GABRB3: variants seen among roughly 807,000 people sequenced by gnomAD.
GABRB3 encodes gamma-aminobutyric acid type A receptor subunit beta3.
Under a neutral mutation model 52.1 loss-of-function variants are expected in GABRB3, and 14 were observed. The ratio of observed to expected loss-of-function variants is 0.27; its 90% confidence interval spans 0.18 to 0.42. The LOEUF is 0.42. Among genes scored for constraint, GABRB3 ranks in the 10% least tolerant of loss-of-function variants. The pLI is 1.00. For missense variants in GABRB3, 307 were observed against 609.1 expected (o/e 0.50, Z 5.22); for synonymous variants, 260 against 232.3 (o/e 1.12, Z -1.08).
chr15:26,667,013 G>A lies in GABRB3; in HGVS notation c.241-45479C>T, dbSNP rs558373113. ...AGCACAAGAACTGGTGCCCACCCCC[G>A]TGCACACCAATTGCAGGGGTTAGGT... On this transcript the variant is annotated intron_variant, in intron 3 of 8. Coordinates refer to ENST00000311550, the MANE Select transcript of GABRB3 (RefSeq NM_000814.6). 2.7e-4 allele frequency among the ~76,000 whole-genome samples: 38 copies of A among 139,518 alleles called. No homozygotes were observed. The South Asian group carries it at 5.5e-3, about 20-fold the overall frequency. 91.5% of individuals were successfully genotyped at this position (139,518 alleles called of 152,430 possible).
intron 3 of GABRB3, among the ~76,000 whole-genome samples, chr15:26,631,983 G>A (rs1051322752): frequency 6.6e-6 from 1 of 152,222 alleles, no homozygotes; most frequent in South Asian, 2.1e-4. Context: ...ATCTAGTGGG[G>A]AGAAAGAAAG....
At chr15:26,679,866 A>G (rs116349303) in intron 3 of GABRB3, among the ~76,000 whole-genome samples, 126 of 152,262 alleles carry the variant, frequency 8.3e-4, no homozygotes, top group African/African-American at 2.7e-3. Context: ...ATGTGGAGAG[A>G]CTGAGCCCTG....
chr15:26,549,015 C>T (rs886550294), intron 8 of GABRB3, among the ~76,000 whole-genome samples: 40 of 152,128 alleles, frequency 2.6e-4, no homozygotes, highest in African/African-American at 9.2e-4. Context: ...TCCAGCAAGC[C>T]CCACACTTCC....
intron 3 of GABRB3, among the ~76,000 whole-genome samples, chr15:26,641,569 C>T (rs1254507471): frequency 6.6e-6 from 1 of 152,230 alleles, no homozygotes; most frequent in African/African-American, 2.4e-5. Context: ...ATTTTTGCCC[C>T]TCAACTGTCC....
rs148101383 is a variant in GABRB3, at chr15:26,547,883, A to G, written c.1332T>C (p.Asp444=). 6 of 1,614,084 alleles carry G rather than the reference A, an allele frequency of 3.7e-6. No homozygotes were observed. The highest frequency in any genetic ancestry group is 2.7e-5 in the African/African-American group (2 of 74,926). Residue 444 remains aspartate, a synonymous_variant, in exon 9 of 9, where the codon GAT becomes GAC. Coordinates refer to ENST00000311550, the MANE Select transcript of GABRB3 (RefSeq NM_000814.6). ...QLKIKIPDLT[D]VNAIDRWSRI... is the part of the protein sequence containing the mutation. ...TGGACCATCTGTCTATGGCATTCAC[A>G]TCGGTTAGATCAGGTATTTTAATTT...
chr15:26,688,505 A>G (rs988078747), intron 3 of GABRB3, among the ~76,000 whole-genome samples: 1 of 152,206 alleles, frequency 6.6e-6, no homozygotes, highest in African/African-American at 2.4e-5. Context: ...GTGGGGCATA[A>G]AGAATTCAGA....
chr15:26,623,923 C>T (rs1638601826), intron 3 of GABRB3, among the ~76,000 whole-genome samples: 1 of 152,230 alleles, frequency 6.6e-6, no homozygotes, highest in African/African-American at 2.4e-5. Flanking sequence ...AAGGAACACA[C>T]TCTCCTCTCA....
chr15:26,562,442 A>C (rs1392667970), intron 7 of GABRB3, among the ~76,000 whole-genome samples: 1 of 152,182 alleles, frequency 6.6e-6, no homozygotes. Flanking sequence ...AGAGAGCTTA[A>C]CCATAATCCT....
intron 3 of GABRB3, among the ~76,000 whole-genome samples, chr15:26,675,068 G>A (rs1010707689): frequency 2.0e-5 from 3 of 152,094 alleles, no homozygotes; most frequent in Non-Finnish European, 4.4e-5. Context: ...AATTACTTGT[G>A]GTTTCAAAAG....
chr15:26,575,149 T>C (rs946028992), intron 6 of GABRB3, among the ~76,000 whole-genome samples: 14 of 152,326 alleles, frequency 9.2e-5, no homozygotes, highest in African/African-American at 3.1e-4. Flanking sequence ...AGGATGAAGG[T>C]AGTTAAAAAC....
At chr15:26,676,157 C>T (rs902134711) in intron 3 of GABRB3, among the ~76,000 whole-genome samples, 2 of 152,202 alleles carry the variant, frequency 1.3e-5, no homozygotes, top group Admixed American at 1.3e-4. Flanking sequence ...TTTCAAAGTT[C>T]CTGAGTTGTT....
chr15:26,700,145 G>T (rs1888881142), intron 3 of GABRB3, among the ~76,000 whole-genome samples: 1 of 151,924 alleles, frequency 6.6e-6, no homozygotes, highest in Admixed American at 6.6e-5. Flanking sequence ...TACTAACATT[G>T]GGAATAAAAG....
intron 3 of GABRB3, among the ~76,000 whole-genome samples, chr15:26,632,668 T>A (rs1892943193): frequency 6.6e-6 from 1 of 152,114 alleles, no homozygotes; most frequent in Admixed American, 6.5e-5. Flanking sequence ...CAGGTGCTTG[T>A]TTGCCGTCGG....
At chr15:26,638,202 A>G (rs1412331731) in intron 3 of GABRB3, among the ~76,000 whole-genome samples, 1 of 152,098 alleles carries the variant, frequency 6.6e-6, no homozygotes. Context: ...TGGTCAGAGC[A>G]AGGTCACACA....
chr15:26,665,107 T>C (rs1181949573), intron 3 of GABRB3, among the ~76,000 whole-genome samples: 1 of 152,224 alleles, frequency 6.6e-6, no homozygotes, highest in Non-Finnish European at 1.5e-5. Context: ...CATTTTAAAA[T>C]TAAAGTATTT....
At chr15:26,592,411 TAGA>T (rs1241473246) in intron 4 of GABRB3, among the ~76,000 whole-genome samples, 3 of 152,138 alleles carry the variant, frequency 2.0e-5, no homozygotes, top group Non-Finnish European at 2.9e-5. Context: ...ACATTCTGAA[TAGA>T]AGAAGAGATG....
chr15:26,693,630 A>AAAAC (rs1888650897), intron 3 of GABRB3, among the ~76,000 whole-genome samples: 1 of 152,218 alleles, frequency 6.6e-6, no homozygotes, highest in African/African-American at 2.4e-5. Context: ...CAAACAAAAC[A>AAAAC]AAACAACTCT....
In GABRB3 at chr15:26,660,649, C is replaced by T. The variant is rs867043962; in HGVS notation, c.241-39115G>A. On this transcript the variant is annotated intron_variant, in intron 3 of 8. Coordinates refer to ENST00000311550, the MANE Select transcript of GABRB3 (RefSeq NM_000814.6). Reference sequence around the variant, plus strand: ...TATTTTGGGGAAAGCACCCAGGATACGGACAACTTGGGTTGTAGATCTGGT... The same window carrying T: ...TATTTTGGGGAAAGCACCCAGGATATGGACAACTTGGGTTGTAGATCTGGT... 2.6e-5 allele frequency among the ~76,000 whole-genome samples: 4 copies of T among 152,096 alleles called. No individual in the cohort carries two copies. In the South Asian group the frequency reaches 6.2e-4, roughly 24 times the overall value.
chr15:26,607,937 G>A (rs972203206), intron 4 of GABRB3, among the ~76,000 whole-genome samples: 21 of 151,950 alleles, frequency 1.4e-4, no homozygotes, highest in Non-Finnish European at 2.5e-4. Flanking sequence ...AAATTCTGAT[G>A]TAGTTTTCCA....
Sources: allele counts gnomAD v4.1 joint callset (sites outside exome capture counted in the v4.1 genomes callset), GRCh38; gene constraint gnomAD v4.1.1; transcripts MANE v1.5; gene names NCBI Gene and HGNC (gene_info 2026-07-23, HGNC 2026-07-21).